Variants in PCDHA13 observed in about 807,000 individuals in gnomAD.
PCDHA13 encodes the protein protocadherin alpha-13.
In PCDHA13, 54 loss-of-function variants were observed where a neutral mutation model predicts 64.8. That is an observed-to-expected ratio of 0.83 (90% CI 0.67 to 1.04). The LOEUF (loss-of-function observed/expected upper bound fraction) is 1.04, where lower values mean the gene tolerates loss of function less well. PCDHA13 is among the 50% of genes least tolerant of loss of function. The pLI, the probability that PCDHA13 is intolerant of heterozygous loss-of-function variation, is 0.00. For missense variants in PCDHA13, 1,248 were observed against 1,254.3 expected, an observed-to-expected ratio of 0.99 and a Z score of 0.08; for synonymous variants, 587 against 564.4, an observed-to-expected ratio of 1.04 and a Z score of -0.57.
At chr5:140,993,958 G>A (rs782075870) in intron 3 of PCDHA13, among the ~76,000 whole-genome samples, 1 of 152,162 alleles carries the variant, frequency 6.6e-6, no homozygotes, top group Non-Finnish European at 1.5e-5. Context: ...ATACATGACT[G>A]TAGTCATCAT....
At chr5:140,947,299 C>T (rs547529076) in intron 1 of PCDHA13, among the ~76,000 whole-genome samples, 1 of 151,554 alleles carries the variant, frequency 6.6e-6, no homozygotes, top group South Asian at 2.1e-4. Context: ...ATTATCTTGA[C>T]ATCTTTGTAA....
intron 1 of PCDHA13, among the ~76,000 whole-genome samples, chr5:140,893,943 G>C (rs550475): frequency 0.54 from 81,510 of 151,914 alleles, 22,066 homozygotes; most frequent in African/African-American, 0.61. Flanking sequence ...TGTTAATTCT[G>C]CATGACTTTA....
At chr5:140,927,505 G>T (rs782722913) in intron 1 of PCDHA13, 1 of 1,614,120 alleles carries the variant, frequency 6.2e-7, no homozygotes, top group East Asian at 2.2e-5. Flanking sequence ...GGTGCTTACA[G>T]CTCGGGACGG....
At chr5:140,993,460 T>TCCCACACA (rs1554253699) in intron 3 of PCDHA13, among the ~76,000 whole-genome samples, 2 of 104,506 alleles carry the variant, frequency 1.9e-5, no homozygotes, top group African/African-American at 7.8e-5. Flanking sequence ...CTTCTTTCTT[T>TCCCACACA]CTCACACACA....
chr5:140,926,780 G>A, intron 1 of PCDHA13: 2 of 1,397,714 alleles, frequency 1.4e-6, no homozygotes, highest in Non-Finnish European at 1.9e-6. Context: ...CAGCAGTGAC[G>A]GCCGGCAGGA....
At chr5:140,906,218 A>G (rs2072464720) in intron 1 of PCDHA13, among the ~76,000 whole-genome samples, 1 of 152,176 alleles carries the variant, frequency 6.6e-6, no homozygotes, top group African/African-American at 2.4e-5. Flanking sequence ...ATTAACCATC[A>G]CAAGTCCTCC....
intron 1 of PCDHA13, among the ~76,000 whole-genome samples, chr5:140,931,177 A>G (rs1288307941): frequency 1.3e-5 from 2 of 152,200 alleles, no homozygotes; most frequent in African/African-American, 4.8e-5. Context: ...ATTTTAGGGA[A>G]GGAAATTGGT....
intron 1 of PCDHA13, chr5:140,927,671 C>T (rs2084485955): frequency 6.2e-7 from 1 of 1,614,198 alleles, no homozygotes; most frequent in Non-Finnish European, 8.5e-7. Context: ...GCCTTGGATC[C>T]AGATGAAGGG....
At chr5:140,976,491 C>T (rs1478947639) in intron 1 of PCDHA13, among the ~76,000 whole-genome samples, 2 of 152,172 alleles carry the variant, frequency 1.3e-5, no homozygotes, top group East Asian at 1.9e-4. Context: ...GCAGAGGTTG[C>T]AGGGAGCCAA....
intron 1 of PCDHA13, among the ~76,000 whole-genome samples, chr5:140,909,299 T>G (rs561949225): frequency 6.6e-6 from 1 of 152,320 alleles, no homozygotes; most frequent in Non-Finnish European, 1.5e-5. Flanking sequence ...TGGACAGGAA[T>G]GGAGAAAAAG....
Position 140,884,350 on chromosome 5 carries a change from G to A in PCDHA13, c.2082G>A (p.Val694=). Reference sequence around the variant, plus strand: ...CTGTGGGTCCAGAAGCGGCGCTGGTGGATGTCAATGTTTACTTGATCATTG... The same window carrying A: ...CTGTGGGTCCAGAAGCGGCGCTGGTAGATGTCAATGTTTACTTGATCATTG... ...AGAVGPEAAL[V]DVNVYLIIAI... Residue 694 remains valine (V), a synonymous_variant, in exon 1 of 4, where the codon GTG becomes GTA. Transcript: ENST00000289272. The A allele has an allele frequency of 6.2e-7, 1 of 1,613,918 alleles. No individual in the cohort carries two copies. The highest frequency in any genetic ancestry group is 1.1e-5 in the South Asian group (1 of 91,090).
chr5:140,892,461 G>A lies in PCDHA13; in HGVS notation c.2394+7799G>A, dbSNP rs187904355. On this transcript the variant is annotated intron_variant, in intron 1 of 3. Coordinates refer to ENST00000289272, the MANE Select transcript of PCDHA13 (RefSeq NM_018904.3). ...AAATTTACATGTATTCTTTAAGTAC[G>A]GTTATTCAGTTTCCTAGCCAAACAT... 2.1e-3 allele frequency among the ~76,000 whole-genome samples: 317 copies of A among 152,150 alleles called. 1 individual carries two copies. Among genetic ancestry groups the A allele is most frequent in the Non-Finnish European group, 3.5e-3 (237 of 68,004 alleles).
chr5:140,917,323 G>C (rs1363512198), intron 1 of PCDHA13, among the ~76,000 whole-genome samples: 1 of 147,758 alleles, frequency 6.8e-6, no homozygotes, highest in African/African-American at 2.5e-5. Context: ...TGTTCATGTG[G>C]CGGGGGAGGG....
intron 3 of PCDHA13, among the ~76,000 whole-genome samples, chr5:140,987,811 C>CT (rs1444999429): frequency 6.6e-6 from 1 of 152,100 alleles, no homozygotes; most frequent in East Asian, 1.9e-4. Flanking sequence ...GTGCCTGTCT[C>CT]TTTGTTTCCT....
At chr5:140,892,927 C>G (rs1554185442) in intron 1 of PCDHA13, among the ~76,000 whole-genome samples, 1 of 152,152 alleles carries the variant, frequency 6.6e-6, no homozygotes, top group African/African-American at 2.4e-5. Context: ...CCTTCCCAGC[C>G]TCTGATAAGC....
intron 1 of PCDHA13, chr5:140,967,282 G>A (rs1463734502): frequency 1.1e-5 from 17 of 1,612,960 alleles, no homozygotes; most frequent in Non-Finnish European, 1.4e-5. Context: ...TAGAGAGTGC[G>A]CAGGACCCCG....
At chr5:140,977,588 A>G (rs1237547807) in intron 1 of PCDHA13, among the ~76,000 whole-genome samples, 1 of 152,182 alleles carries the variant, frequency 6.6e-6, no homozygotes, top group Non-Finnish European at 1.5e-5. Context: ...GAGAGCAGTT[A>G]GCATGTGAGG....
chr5:140,914,426 A>G (rs1554196349), intron 1 of PCDHA13, among the ~76,000 whole-genome samples: 1 of 152,140 alleles, frequency 6.6e-6, no homozygotes, highest in African/African-American at 2.4e-5. Context: ...TTAGCAAGGA[A>G]TATCTTTTCC....
Position 140,902,287 on chromosome 5 carries a change from C to T in PCDHA13, c.2394+17625C>T, listed in dbSNP as rs150308530. Among the ~76,000 whole-genome samples the T allele has an allele frequency of 1.9e-3, 280 of 150,946 alleles. 2 individuals are homozygous for T. The highest frequency in any genetic ancestry group is 6.5e-3 in the African/African-American group (266 of 41,018). ...TCCTGGGCTCAAGCAATCCTCCTGC[C>T]TCAGCCTCCCAAAGTGCTGGGATTA... is the stretch of plus-strand genomic sequence containing the variant. On this transcript the variant is annotated intron_variant, in intron 1 of 3. Transcript: ENST00000289272.
Sources: gnomAD v4.1 joint callset for allele counts (sites outside exome capture counted in the v4.1 genomes callset) on GRCh38, gnomAD v4.1.1 for gene constraint, MANE v1.5 for transcripts, NCBI Gene and HGNC (gene_info 2026-07-23, HGNC 2026-07-21) for gene names.